The following DPYD variants were observed in gnomAD, a reference collection of about 807,000 sequenced individuals.
DPYD encodes dihydropyrimidine dehydrogenase.
Under a neutral mutation model 116.2 loss-of-function variants are expected in DPYD, and 109 were observed. That is an observed-to-expected ratio of 0.94 (90% CI 0.80 to 1.10). The LOEUF is 1.10. DPYD is among the 50% of genes least tolerant of loss of function. DPYD has a pLI of 0.00. For missense variants in DPYD, 1,302 were observed against 1,254.5 expected, an observed-to-expected ratio of 1.04 and a Z score of -0.57; for synonymous variants, 440 against 432.0, an observed-to-expected ratio of 1.02 and a Z score of -0.23.
chr1:97,800,336 T>TA (rs2101327760), intron 3 of DPYD, among the ~76,000 whole-genome samples: 2 of 152,016 alleles, frequency 1.3e-5, no homozygotes, highest in South Asian at 4.2e-4. Flanking sequence ...TAACTCTTTA[T>TA]AAAGAGCCCC....
chr1:97,301,098 C>T (rs1003946158), intron 18 of DPYD, among the ~76,000 whole-genome samples: 2 of 152,038 alleles, frequency 1.3e-5, no homozygotes, highest in East Asian at 3.9e-4. Context: ...CACTTGTAGA[C>T]TCTAAGAACA....
intron 16 of DPYD, among the ~76,000 whole-genome samples, chr1:97,352,748 TG>T (rs1252993492): frequency 6.6e-6 from 1 of 152,172 alleles, no homozygotes; most frequent in Non-Finnish European, 1.5e-5. Flanking sequence ...GACACGTGTT[TG>T]GGGTTCTTGG....
At chr1:97,458,018 C>T (rs1412347478) in intron 13 of DPYD, among the ~76,000 whole-genome samples, 1 of 152,158 alleles carries the variant, frequency 6.6e-6, no homozygotes, top group Non-Finnish European at 1.5e-5. Context: ...TTTGGATACA[C>T]TCTGCCAAAC....
At chr1:97,546,901 G>A (rs1025607470) in intron 12 of DPYD, 10 of 1,608,976 alleles carry the variant, frequency 6.2e-6, no homozygotes, top group Admixed American at 3.3e-5. Context: ...AGACCAGGAG[G>A]ACAGTGAGGG....
chr1:97,889,379 C>T (rs1208414667), intron 1 of DPYD, among the ~76,000 whole-genome samples: 2 of 151,904 alleles, frequency 1.3e-5, no homozygotes, highest in East Asian at 3.9e-4. Flanking sequence ...AGGAGACACA[C>T]TTTAAATTCA....
intron 14 of DPYD, among the ~76,000 whole-genome samples, chr1:97,449,676 T>C (rs1046067009): frequency 2.0e-5 from 3 of 152,208 alleles, no homozygotes; most frequent in Admixed American, 6.5e-5. Flanking sequence ...TAGGAAGATA[T>C]GCTGCTTCTG....
chr1:97,892,911 C>A (rs1202751507), intron 1 of DPYD, among the ~76,000 whole-genome samples: 2 of 151,772 alleles, frequency 1.3e-5, no homozygotes, highest in Non-Finnish European at 2.9e-5. Context: ...TATCTTAGCT[C>A]TACTATTCTT....
At chr1:97,297,746 A>C (rs1394030605) in intron 18 of DPYD, among the ~76,000 whole-genome samples, 1 of 152,192 alleles carries the variant, frequency 6.6e-6, no homozygotes, top group Non-Finnish European at 1.5e-5. Flanking sequence ...GCATGTAAGC[A>C]CTGTCCTAGA....
chr1:97,590,953 G>A (rs564139965), intron 10 of DPYD, among the ~76,000 whole-genome samples: 1 of 152,342 alleles, frequency 6.6e-6, no homozygotes, highest in Admixed American at 6.5e-5. Context: ...TTCAATGAGA[G>A]TAAAAGCTAA....
At chr1:97,720,474 A>AT (rs1198160863) in intron 5 of DPYD, 2 of 992,018 alleles carry the variant, frequency 2.0e-6, no homozygotes, top group African/African-American at 3.5e-5. Context: ...AAGAAAAGAA[A>AT]TTAAATCCCA....
chr1:97,549,495 T>A, intron 12 of DPYD, 65 bp downstream of exon 12: 1 of 1,539,750 alleles, frequency 6.5e-7, no homozygotes, highest in Non-Finnish European at 9.0e-7. Flanking sequence ...TAGATGAGTA[T>A]CAAAAATAAA....
At chr1:97,745,198 G>A (rs1164330108) in intron 3 of DPYD, among the ~76,000 whole-genome samples, 5 of 151,980 alleles carry the variant, frequency 3.3e-5, no homozygotes, top group African/African-American at 1.2e-4. Flanking sequence ...TATGCATCTT[G>A]GCTCAGCCTC....
At chr1:97,742,583 G>A (rs1326520133) in intron 3 of DPYD, among the ~76,000 whole-genome samples, 1 of 152,020 alleles carries the variant, frequency 6.6e-6, no homozygotes, top group Non-Finnish European at 1.5e-5. Flanking sequence ...CTATTGTTGA[G>A]TTCAAAAATA....
chr1:97,173,317 C>G (rs376170185), intron 20 of DPYD, among the ~76,000 whole-genome samples: 1 of 142,734 alleles, frequency 7.0e-6, no homozygotes, highest in African/African-American at 2.9e-5. Flanking sequence ...TATATGCACA[C>G]ATATATACAC....
At chr1:97,246,799 T>G (rs756366974) in intron 18 of DPYD, among the ~76,000 whole-genome samples, 2 of 152,126 alleles carry the variant, frequency 1.3e-5, no homozygotes, top group Non-Finnish European at 2.9e-5. Flanking sequence ...GGTTTAAATT[T>G]AAACAAAATA....
At chr1:97,455,810 T>G (rs758996941) in intron 13 of DPYD, among the ~76,000 whole-genome samples, 1 of 151,918 alleles carries the variant, frequency 6.6e-6, no homozygotes, top group Non-Finnish European at 1.5e-5. Flanking sequence ...TTCTTGGAGG[T>G]GCAAAGTGGG....
At chr1:97,875,769 A>G (rs1041719082) in intron 2 of DPYD, among the ~76,000 whole-genome samples, 4 of 151,976 alleles carry the variant, frequency 2.6e-5, no homozygotes, top group African/African-American at 9.7e-5. Context: ...AAAATTATTA[A>G]ATTTACACAT....
At chr1:97,309,625 G>A (rs1220823451) in intron 16 of DPYD, among the ~76,000 whole-genome samples, 4 of 151,544 alleles carry the variant, frequency 2.6e-5, no homozygotes, top group Non-Finnish European at 5.9e-5. Flanking sequence ...GGCAAATTTG[G>A]CCTATTTGAA....
chr1:97,344,441 C>T (rs922495469), intron 16 of DPYD, among the ~76,000 whole-genome samples: 9 of 151,782 alleles, frequency 5.9e-5, no homozygotes, highest in South Asian at 2.1e-4. Context: ...TTTCCCAGTA[C>T]CAGAGGTTCT....
Sources: gnomAD v4.1 joint callset for allele counts (sites outside exome capture counted in the v4.1 genomes callset) on GRCh38, gnomAD v4.1.1 for gene constraint, MANE v1.5 for transcripts, NCBI Gene and HGNC (gene_info 2026-07-23, HGNC 2026-07-21) for gene names.